SHROOM3: variants seen among roughly 807,000 people sequenced by gnomAD.
SHROOM3 encodes protein Shroom3.
In SHROOM3, 47 loss-of-function variants were observed where a neutral mutation model predicts 138.6. The ratio of observed to expected loss-of-function variants is 0.34; its 90% confidence interval spans 0.27 to 0.43. The LOEUF (loss-of-function observed/expected upper bound fraction) is 0.43, where lower values mean the gene tolerates loss of function less well. SHROOM3 is among the 20% of genes least tolerant of loss of function. The pLI, the probability that SHROOM3 is intolerant of heterozygous loss-of-function variation, is 1.00. For synonymous variants in SHROOM3, 1,062 were observed against 1,063.3 expected, an observed-to-expected ratio of 1.00 and a Z score of 0.02; for missense variants, 2,491 against 2,596.5, an observed-to-expected ratio of 0.96 and a Z score of 0.88.
intron 2 of SHROOM3, among the ~76,000 whole-genome samples, chr4:76,617,300 G>C (rs1734902836): frequency 6.6e-6 from 1 of 152,206 alleles, no homozygotes; most frequent in Non-Finnish European, 1.5e-5. Context: ...AATAATGCTA[G>C]CTGCTGTTGT....
chr4:76,555,579 C>T (rs371645880), intron 1 of SHROOM3, 30 bp from the exon 2 acceptor site: 20 of 1,611,936 alleles, frequency 1.2e-5, no homozygotes, highest in African/African-American at 1.1e-4. Context: ...AAAGCTCACT[C>T]GTGGCTGTCG....
intron 2 of SHROOM3, among the ~76,000 whole-genome samples, chr4:76,707,251 G>C (rs1415789169): frequency 6.6e-6 from 1 of 152,122 alleles, no homozygotes; most frequent in Non-Finnish European, 1.5e-5. Flanking sequence ...GAACATTTTT[G>C]AAACCTGCCA....
chr4:76,598,273 A>G (rs1176991934), intron 2 of SHROOM3, among the ~76,000 whole-genome samples: 7 of 151,898 alleles, frequency 4.6e-5, no homozygotes, highest in East Asian at 1.9e-4. Context: ...TGATCAGCCC[A>G]CCTCGGCCTC....
intron 3 of SHROOM3, among the ~76,000 whole-genome samples, chr4:76,724,349 A>G (rs1375798657): frequency 1.3e-5 from 2 of 152,228 alleles, no homozygotes; most frequent in African/African-American, 2.4e-5. Context: ...AAAATGTAAA[A>G]TTAGTATGCC....
At chr4:76,765,607 A>G (rs73826434) in intron 9 of SHROOM3, among the ~76,000 whole-genome samples, 3,240 of 152,246 alleles carry the variant, frequency 0.021, 134 homozygotes, top group African/African-American at 0.074. Flanking sequence ...GGAGACACAC[A>G]GAGGCCAACT....
At chr4:76,625,213 G>C (rs1735106532) in intron 2 of SHROOM3, among the ~76,000 whole-genome samples, 1 of 152,248 alleles carries the variant, frequency 6.6e-6, no homozygotes, top group African/African-American at 2.4e-5. Context: ...CAGCCCCAAA[G>C]TAAATTCTAA....
intron 2 of SHROOM3, among the ~76,000 whole-genome samples, chr4:76,673,401 A>AT (rs534101032): frequency 0.067 from 10,052 of 150,500 alleles, 484 homozygotes; most frequent in Non-Finnish European, 0.1. Flanking sequence ...AGAAAGAAAG[A>AT]TTTTTTTTTT....
Position 76,688,740 on chromosome 4 carries a change from C to T in SHROOM3, c.324-21416C>T, listed in dbSNP as rs190012958. On this transcript the variant is annotated intron_variant, in intron 2 of 10. Transcript: ENST00000296043. ...GCAAATGGATATATTTTCTAAAATT[C>T]CAAAGTTTGCAAAGCTGAATCCAAA... The T allele has an allele frequency of 2.5e-5, 25 of 985,326 alleles. No homozygotes were observed. The African/African-American group carries it at 4.2e-4, about 17-fold the overall frequency. 61.0% of individuals were successfully genotyped at this position (985,326 alleles called of 1,614,324 possible). A position where few individuals can be genotyped will look rare whatever the true frequency, so the allele number is the denominator to read the frequency against.
chr4:76,500,990 G>A (rs1228501161), intron 1 of SHROOM3, among the ~76,000 whole-genome samples: 1 of 151,990 alleles, frequency 6.6e-6, no homozygotes, highest in African/African-American at 2.4e-5. Flanking sequence ...AAATTATTTT[G>A]TAGAGATGGG....
At chr4:76,752,044 G>A (rs952572964) in intron 6 of SHROOM3, among the ~76,000 whole-genome samples, 6 of 152,202 alleles carry the variant, frequency 3.9e-5, no homozygotes, top group African/African-American at 1.4e-4. Context: ...ATTCACAATA[G>A]CCAAGAGGTG....
intron 3 of SHROOM3, among the ~76,000 whole-genome samples, chr4:76,711,244 C>G (rs1347395135): frequency 1.3e-5 from 2 of 152,158 alleles, no homozygotes; most frequent in Admixed American, 1.3e-4. Flanking sequence ...TAGAAGCTCT[C>G]TCTACTTCCA....
intron 5 of SHROOM3, among the ~76,000 whole-genome samples, chr4:76,744,343 A>G (rs940276010): frequency 1.3e-5 from 2 of 152,202 alleles, no homozygotes; most frequent in African/African-American, 4.8e-5. Context: ...GCTCCAACAA[A>G]TACTGAAATT....
intron 1 of SHROOM3, among the ~76,000 whole-genome samples, chr4:76,528,548 C>CTTTTTTTTTTTT (rs35121750): frequency 8.0e-6 from 1 of 125,036 alleles, no homozygotes; most frequent in African/African-American, 3.1e-5. Context: ...TTCTTTCTTT[C>CTTTTTTTTTTTT]TTTTTTTTTT....
At chr4:76,672,099 G>T (rs1718900322) in intron 2 of SHROOM3, among the ~76,000 whole-genome samples, 1 of 151,896 alleles carries the variant, frequency 6.6e-6, no homozygotes, top group Non-Finnish European at 1.5e-5. Flanking sequence ...TAGGAAACAG[G>T]AGCTTTATAT....
chr4:76,564,018 T>C (rs948518192), intron 2 of SHROOM3, among the ~76,000 whole-genome samples: 13 of 152,124 alleles, frequency 8.5e-5, no homozygotes, highest in Non-Finnish European at 1.9e-4. Context: ...CACTCTATGG[T>C]TCTGTGTTAG....
At position 76,460,379 on chromosome 4, in the gene SHROOM3, C is replaced by T. The variant is rs115004621; in HGVS notation, c.168+24159C>T. On this transcript the variant is annotated intron_variant, in intron 1 of 10. Coordinates refer to ENST00000296043, the MANE Select transcript of SHROOM3 (RefSeq NM_020859.4). ...ACAACATTTTTGTGTTGACAAAAGACAAAGACACTACCACCGTTGCGACCT... is the reference window on the plus strand; with the variant it reads ...ACAACATTTTTGTGTTGACAAAAGATAAAGACACTACCACCGTTGCGACCT... Among the ~76,000 whole-genome samples the T allele has an allele frequency of 3.3e-3, 503 of 152,216 alleles. 3 individuals are homozygous for T. The highest frequency in any genetic ancestry group is 0.011 in the African/African-American group (473 of 41,532).
intron 3 of SHROOM3, chr4:76,716,269 A>G (rs1720370398): frequency 1.9e-6 from 1 of 516,984 alleles, no homozygotes; most frequent in South Asian, 1.4e-5. Flanking sequence ...CTGGAGGCAC[A>G]TGTAGTACTT....
chr4:76,778,737 G>A (rs1464278671), intron 10 of SHROOM3, 72 bp from the exon 11 acceptor site: 1 of 1,601,482 alleles, frequency 6.2e-7, no homozygotes, highest in East Asian at 2.2e-5. Context: ...TGTCAGAGGT[G>A]TCCTTGCAGG....
At chr4:76,602,353 T>C (rs17256523) in intron 2 of SHROOM3, among the ~76,000 whole-genome samples, 6 of 152,036 alleles carry the variant, frequency 3.9e-5, no homozygotes, top group African/African-American at 1.4e-4. Context: ...CTCTCCTAGA[T>C]TTTATGTATT....
Sources: allele counts gnomAD v4.1 joint callset (sites outside exome capture counted in the v4.1 genomes callset), GRCh38; gene constraint gnomAD v4.1.1; transcripts MANE v1.5; gene names NCBI Gene and HGNC (gene_info 2026-07-23, HGNC 2026-07-21).